The following SRGAP2B variants were observed in gnomAD, a reference collection of about 807,000 sequenced individuals.
SRGAP2B encodes the protein SLIT-ROBO Rho GTPase activating protein 2B, also known as SLIT-ROBO Rho GTPase-activating protein 2B.
Under a neutral mutation model 22.2 loss-of-function variants are expected in SRGAP2B, and 9 were observed. The observed-to-expected ratio is 0.41, with a 90% confidence interval of 0.24 to 0.71. The LOEUF (loss-of-function observed/expected upper bound fraction) is 0.71. Among genes scored for constraint, SRGAP2B ranks in the 30% least tolerant of loss-of-function variants. The pLI, the probability that SRGAP2B is intolerant of heterozygous loss-of-function variation, is 0.35. For missense variants in SRGAP2B, 114 were observed against 235.8 expected (o/e 0.48, Z 3.38); for synonymous variants, 36 against 87.4 (o/e 0.41, Z 3.28).
chr1:145,002,566 T>C lies in SRGAP2B; in HGVS notation c.68-7366A>G, dbSNP rs1397551894. ...CCTCATCTCAAAAAGATAAAATAAATAAAATAAAAGATATATAAAAAAGAA... is the reference window on the plus strand; with the variant it reads ...CCTCATCTCAAAAAGATAAAATAAACAAAATAAAAGATATATAAAAAAGAA... On this transcript the variant is annotated intron_variant, in intron 2 of 9. Transcript: ENST00000612199. Among the ~76,000 whole-genome samples, 3 of 143,922 alleles carry C rather than the reference T, an allele frequency of 2.1e-5. 1 individual carries two copies. The highest frequency in any genetic ancestry group is 4.5e-5 in the Non-Finnish European group (3 of 66,800). The allele number at this position is 143,922 out of a possible 152,430, so 94.4% of individuals were successfully genotyped here. A position where few individuals can be genotyped will look rare whatever the true frequency, so the allele number is the denominator to read the frequency against.
intron 2 of SRGAP2B, among the ~76,000 whole-genome samples, chr1:145,072,490 G>GT (rs1340718391): frequency 4.2e-5 from 1 of 23,538 alleles, no homozygotes; most frequent in African/African-American, 1.9e-4. Context: ...GGTAATCTCT[G>GT]TTACACAGAA....
At chr1:144,905,166 C>G in exon 7 of SRGAP2B, 1 of 776,846 alleles carries the variant, frequency 1.3e-6, no homozygotes, top group East Asian at 2.4e-5. Flanking sequence ...CCAGCAAGTA[C>G]TCATTCCGGG....
chr1:145,068,794 C>G (rs1356084933), intron 2 of SRGAP2B, among the ~76,000 whole-genome samples: 2 of 144,610 alleles, frequency 1.4e-5, no homozygotes, highest in Non-Finnish European at 3.0e-5. Flanking sequence ...AGCAGAGAAA[C>G]CTTTTTTCTT....
intron 2 of SRGAP2B, among the ~76,000 whole-genome samples, chr1:145,067,394 A>G (rs1391539757): frequency 3.5e-4 from 51 of 145,422 alleles, no homozygotes; most frequent in Admixed American, 2.5e-3. Flanking sequence ...CAACCTTTTG[A>G]TTTTAGCCCC....
At chr1:145,001,923 G>C (rs1671203420) in intron 2 of SRGAP2B, among the ~76,000 whole-genome samples, 1 of 148,150 alleles carries the variant, frequency 6.7e-6, no homozygotes, top group Non-Finnish European at 1.5e-5. Flanking sequence ...TTGGGAGGCT[G>C]AGGTGGGAGG....
At chr1:145,013,441 C>A (rs1553622593) in intron 2 of SRGAP2B, among the ~76,000 whole-genome samples, 1 of 150,492 alleles carries the variant, frequency 6.6e-6, no homozygotes, top group Non-Finnish European at 1.5e-5. Flanking sequence ...CAAAGGTAGG[C>A]AACAAGCTCA....
At chr1:144,971,399 G>A (rs1668508626) in intron 3 of SRGAP2B, among the ~76,000 whole-genome samples, 2 of 150,234 alleles carry the variant, frequency 1.3e-5, no homozygotes, top group South Asian at 4.2e-4. Flanking sequence ...CCAAAGTGCT[G>A]GGATTACAGG....
Position 145,081,673 on chromosome 1 carries a change from A to AAC in SRGAP2B, c.67+11160_67+11161dup, listed in dbSNP as rs1170402009. Among the ~76,000 whole-genome samples the AAC allele has an allele frequency of 3.1e-4, 47 of 149,310 alleles. 1 individual carries two copies. Among genetic ancestry groups the AAC allele is most frequent in the East Asian group, 5.8e-4 (3 of 5,164 alleles). On this transcript the variant is annotated intron_variant, in intron 2 of 9. Transcript: ENST00000612199. The stretch of plus-strand genomic sequence containing the variant: ...ATCTCCACCGCCTACCAAAATAATA[A>AAC]ACACACACACACACAAAATCTAATG...
chr1:145,007,028 T>C (rs1671647433), intron 2 of SRGAP2B, among the ~76,000 whole-genome samples: 2 of 149,932 alleles, frequency 1.3e-5, no homozygotes, highest in African/African-American at 5.0e-5. Context: ...GAGTTTGTAA[T>C]AGCAGCCACT....
Position 144,971,573 on chromosome 1 carries a change from T to G in SRGAP2B, c.261-15972A>C, listed in dbSNP as rs6671470. ...GCCTCCCAAAGTGCCAGGCTCACAA[T>G]TATGAGCCACCTCACCTGGCCAGGA... On this transcript the variant is annotated intron_variant, in intron 3 of 9. Transcript: ENST00000612199. Among the ~76,000 whole-genome samples the G allele has an allele frequency of 2.0e-5, 3 of 150,262 alleles. 1 individual carries two copies. The highest frequency in any genetic ancestry group is 3.9e-4 in the East Asian group (2 of 5,110).
At chr1:144,994,480 T>G (rs2102151574) in intron 3 of SRGAP2B, among the ~76,000 whole-genome samples, 1 of 136,104 alleles carries the variant, frequency 7.3e-6, no homozygotes, top group African/African-American at 3.0e-5. Flanking sequence ...GACAGTTTGG[T>G]GAAATGGTTA....
At chr1:144,964,790 G>T (rs587615301) in intron 3 of SRGAP2B, among the ~76,000 whole-genome samples, 2 of 150,628 alleles carry the variant, frequency 1.3e-5, no homozygotes, top group African/African-American at 5.0e-5. Flanking sequence ...ATGGTGACAC[G>T]TGCCTGTACT....
intron 4 of SRGAP2B, among the ~76,000 whole-genome samples, chr1:144,950,917 G>C (rs2747578): frequency 1.7e-4 from 26 of 150,650 alleles, no homozygotes; most frequent in African/African-American, 6.5e-4. Flanking sequence ...AGCATGATCT[G>C]TGCTCACTGC....
At chr1:144,988,999 CTTTTTTTT>C (rs3062880) in intron 3 of SRGAP2B, among the ~76,000 whole-genome samples, 4 of 55,110 alleles carry the variant, frequency 7.3e-5, no homozygotes, top group East Asian at 6.4e-4. Flanking sequence ...ACTCCCCCCA[CTTTTTTTT>C]TTTTTTTTTT....
chr1:145,002,625 G>C (rs1486578512), intron 2 of SRGAP2B, among the ~76,000 whole-genome samples: 1 of 150,066 alleles, frequency 6.7e-6, no homozygotes, highest in Non-Finnish European at 1.5e-5. Flanking sequence ...TTGGATTTTT[G>C]GTCCCTTGCA....
At chr1:145,082,085 A>AAAC (rs1652988622) in intron 2 of SRGAP2B, among the ~76,000 whole-genome samples, 5 of 145,474 alleles carry the variant, frequency 3.4e-5, no homozygotes, top group Non-Finnish European at 6.0e-5. Context: ...AACAAACAAA[A>AAAC]AAAACAAAGA....
At chr1:145,020,182 A>C (rs2102276669) in intron 2 of SRGAP2B, among the ~76,000 whole-genome samples, 1 of 143,490 alleles carries the variant, frequency 7.0e-6, no homozygotes, top group East Asian at 2.0e-4. Flanking sequence ...TAGGAAGCTG[A>C]GGTGGGAGGA....
At chr1:144,965,342 G>A (rs1553612031) in intron 3 of SRGAP2B, among the ~76,000 whole-genome samples, 3 of 139,728 alleles carry the variant, frequency 2.1e-5, no homozygotes, top group South Asian at 2.2e-4. Context: ...CCTGACCCCC[G>A]AGCAGCCTAA....
chr1:145,022,801 G>A (rs1448735361), intron 2 of SRGAP2B, among the ~76,000 whole-genome samples: 4 of 148,666 alleles, frequency 2.7e-5, no homozygotes, highest in African/African-American at 5.1e-5. Flanking sequence ...TCACTTTCAC[G>A]GAGTAGGGAT....
Sources: allele counts gnomAD v4.1 joint callset (sites outside exome capture counted in the v4.1 genomes callset), GRCh38; gene constraint gnomAD v4.1.1; transcripts MANE v1.5; gene names NCBI Gene and HGNC (gene_info 2026-07-23, HGNC 2026-07-21).